CALN1: variants seen among roughly 807,000 people sequenced by gnomAD.
The protein encoded by CALN1 is calneuron 1.
CALN1 carries 17 observed loss-of-function variants against 30.6 expected under a neutral mutation model. The ratio of observed to expected loss-of-function variants is 0.56; its 90% confidence interval spans 0.38 to 0.83. CALN1 has a LOEUF of 0.83. CALN1 is among the 40% of genes least tolerant of loss of function. The pLI is 0.00. For synonymous variants in CALN1, 156 were observed against 131.4 expected (o/e 1.19, Z -1.28); for missense variants, 291 against 354.9 (o/e 0.82, Z 1.45).
intron 5 of CALN1, among the ~76,000 whole-genome samples, chr7:71,949,331 C>T (rs912828460): frequency 1.1e-4 from 17 of 152,160 alleles, no homozygotes; most frequent in African/African-American, 4.1e-4. Flanking sequence ...TTACTTCATC[C>T]TCTTCATTTA....
chr7:72,014,083 C>G (rs987496230), intron 5 of CALN1, among the ~76,000 whole-genome samples: 2 of 142,762 alleles, frequency 1.4e-5, no homozygotes, highest in African/African-American at 5.1e-5. Context: ...TATGAGTTGG[C>G]TCTTTTTTTT....
At chr7:72,010,918 G>T (rs191519500) in intron 5 of CALN1, among the ~76,000 whole-genome samples, 1 of 152,136 alleles carries the variant, frequency 6.6e-6, no homozygotes, top group Non-Finnish European at 1.5e-5. Flanking sequence ...ACTTTGGGAG[G>T]CTGAGGTGGG....
intron 2 of CALN1, chr7:72,337,310 CCGA>C: frequency 1.0e-6 from 1 of 984,854 alleles, no homozygotes; most frequent in Non-Finnish European, 1.2e-6. Context: ...CCCAGCTCCT[CCGA>C]GGGTCGGGGA....
At chr7:71,891,912 C>A (rs575337948) in intron 5 of CALN1, among the ~76,000 whole-genome samples, 28 of 152,072 alleles carry the variant, frequency 1.8e-4, no homozygotes, top group Non-Finnish European at 3.2e-4. Context: ...CCACTGCACT[C>A]CAGCCTGGGC....
intron 2 of CALN1, among the ~76,000 whole-genome samples, chr7:72,365,847 A>G (rs1803845092): frequency 6.6e-6 from 1 of 152,208 alleles, no homozygotes; most frequent in South Asian, 2.1e-4. Flanking sequence ...TGTGAGTGAG[A>G]GTATATGAAA....
chr7:72,057,955 T>G (rs565713242), intron 4 of CALN1, among the ~76,000 whole-genome samples: 1 of 152,208 alleles, frequency 6.6e-6, no homozygotes, highest in Non-Finnish European at 1.5e-5. Context: ...ATGCTGATAA[T>G]TTCCTCTGTG....
chr7:72,382,165 G>C (rs1199872720), intron 2 of CALN1, among the ~76,000 whole-genome samples: 1 of 152,202 alleles, frequency 6.6e-6, no homozygotes, highest in Non-Finnish European at 1.5e-5. Flanking sequence ...AAGTCCTTCA[G>C]CTGATGGGAG....
At chr7:72,117,069 T>G in intron 3 of CALN1, among the ~76,000 whole-genome samples, 1 of 152,068 alleles carries the variant, frequency 6.6e-6, no homozygotes, top group East Asian at 1.9e-4. Flanking sequence ...TTCCAGCACT[T>G]TGGGAGGCCA....
chr7:72,317,038 AAG>A (rs1169206251), intron 2 of CALN1, among the ~76,000 whole-genome samples: 14 of 144,056 alleles, frequency 9.7e-5, no homozygotes, highest in South Asian at 4.5e-4. Flanking sequence ...AGGAGGAGGG[AAG>A]AGAGAGAGAG....
At position 72,345,544 on chromosome 7, in the gene CALN1, G is replaced by GA. The variant is rs1407072025; in HGVS notation, c.119+57706dup. ...GGAAATGAGGAAGGGAGGGAAGGAG[G>GA]AAGGAAAGAAGAAAGGGAGGGAGGG... is the stretch of plus-strand genomic sequence containing the variant. On this transcript the variant is annotated intron_variant, in intron 2 of 6. Transcript: ENST00000395275. 9.2e-5 allele frequency among the ~76,000 whole-genome samples: 12 copies of GA among 130,462 alleles called. No individual in the cohort carries two copies. The Admixed American group carries it at 1.0e-3, about 11-fold the overall frequency. 85.6% of individuals were successfully genotyped at this position (130,462 alleles called of 152,430 possible).
At chr7:72,301,594 C>T (rs1326965829) in intron 2 of CALN1, among the ~76,000 whole-genome samples, 1 of 94,612 alleles carries the variant, frequency 1.1e-5, no homozygotes, top group Non-Finnish European at 1.9e-5. Flanking sequence ...GGCGACAGAG[C>T]AAAGACTTTG....
rs183876024 is a variant in CALN1, at chr7:72,022,777, T to G, written c.501+880A>C. Among the ~76,000 whole-genome samples, 306 of 152,298 alleles carry G rather than the reference T, an allele frequency of 2.0e-3. 4 individuals are homozygous for G. Among genetic ancestry groups the G allele is most frequent in the Non-Finnish European group, 1.4e-3 (92 of 68,028 alleles). ...ACAAGCACTGATAGATTATAGCATA[T>G]GTAAGTTCTTACTAAATACTTGTTG... On this transcript the variant is annotated intron_variant, in intron 5 of 6. Coordinates refer to ENST00000395275, the MANE Select transcript of CALN1 (RefSeq NM_031468.4).
intron 3 of CALN1, among the ~76,000 whole-genome samples, chr7:72,123,331 G>A (rs1808519741): frequency 6.6e-6 from 1 of 152,172 alleles, no homozygotes; most frequent in African/African-American, 2.4e-5. Context: ...TCATGGCACT[G>A]AGGTGTGGAA....
At chr7:72,076,740 C>T (rs1239812009) in intron 4 of CALN1, among the ~76,000 whole-genome samples, 1 of 146,562 alleles carries the variant, frequency 6.8e-6, no homozygotes, top group South Asian at 2.2e-4. Flanking sequence ...AGACTATCTC[C>T]TATCCTTTGG....
At chr7:72,413,888 TTACA>T (rs375535731), upstream of CALN1, among the ~76,000 whole-genome samples, 7 of 151,634 alleles carry the variant, frequency 4.6e-5, no homozygotes, top group South Asian at 2.1e-4. Context: ...ACACACACTC[TTACA>T]TACATACACA....
chr7:72,198,278 T>C (rs1360437769), intron 3 of CALN1, among the ~76,000 whole-genome samples: 9 of 152,230 alleles, frequency 5.9e-5, no homozygotes, highest in Non-Finnish European at 1.5e-5. Context: ...GCATGATGAA[T>C]GGCCATAAAA....
At chr7:71,965,211 T>C (rs1210909659) in intron 5 of CALN1, among the ~76,000 whole-genome samples, 1 of 152,008 alleles carries the variant, frequency 6.6e-6, no homozygotes, top group Non-Finnish European at 1.5e-5. Context: ...TATTATTCTT[T>C]ATAGAAACAG....
intron 6 of CALN1, among the ~76,000 whole-genome samples, chr7:71,801,408 G>GTATCTATC (rs1487288721): frequency 2.2e-5 from 3 of 135,564 alleles, no homozygotes; most frequent in Admixed American, 8.1e-5. Context: ...ATGTATGTAT[G>GTATCTATC]TATGTATGTA....
intron 2 of CALN1, among the ~76,000 whole-genome samples, chr7:72,368,156 T>C (rs765018175): frequency 6.6e-5 from 10 of 150,724 alleles, no homozygotes; most frequent in South Asian, 2.1e-4. Flanking sequence ...TCTATGTGTG[T>C]GTATATATAT....
Sources: gnomAD v4.1 joint callset for allele counts (sites outside exome capture counted in the v4.1 genomes callset) on GRCh38, gnomAD v4.1.1 for gene constraint, MANE v1.5 for transcripts, NCBI Gene and HGNC (gene_info 2026-07-23, HGNC 2026-07-21) for gene names.